Variants in SCAF1 observed in about 807,000 individuals in gnomAD.
The protein encoded by SCAF1 is splicing factor, arginine/serine-rich 19.
SCAF1 carries 28 observed loss-of-function variants against 91.2 expected under a neutral mutation model. That is an observed-to-expected ratio of 0.31 (90% CI 0.23 to 0.42). SCAF1 has a LOEUF of 0.42. SCAF1 is among the 10% of genes least tolerant of loss of function. The pLI is 1.00. For missense variants in SCAF1, 1,893 were observed against 1,872.1 expected (o/e 1.01, Z -0.21); for synonymous variants, 1,036 against 833.7 (o/e 1.24, Z -4.18).
intron 7 of SCAF1, 136 bp downstream of exon 7, chr19:49,653,841 G>A (rs1391475242): frequency 2.4e-6 from 2 of 837,494 alleles, no homozygotes; most frequent in African/African-American, 3.5e-5. Context: ...GTGGGGGTGA[G>A]TAAAGGCCAG....
At chr19:49,656,394 C>T (rs2081139556) in intron 9 of SCAF1, among the ~76,000 whole-genome samples, 1 of 152,218 alleles carries the variant, frequency 6.6e-6, no homozygotes, top group Non-Finnish European at 1.5e-5. Context: ...GATGTTGCTC[C>T]TGGAGTCGGC....
rs763068389 is a variant in SCAF1 at position 49,646,461 on chromosome 19, G to A, written c.262-65G>A. On this transcript the variant is annotated intron_variant, in intron 4 of 10. Transcript: ENST00000360565. This position sits in a 1 kb window ranked among gnomAD's most constrained non-coding sequence, Gnocchi z 5.6. Reference sequence around the variant, plus strand: ...GGGTTCCTGAGAGGTTAGGGAGTGGGGAAGCAGGATTTGCCAGTCTTCATG... The same window carrying A: ...GGGTTCCTGAGAGGTTAGGGAGTGGAGAAGCAGGATTTGCCAGTCTTCATG... 9.9e-5 allele frequency: 139 copies of A among 1,408,468 alleles called. No individual in the cohort carries two copies. Among genetic ancestry groups the A allele is most frequent in the Non-Finnish European group, 1.3e-4 (128 of 995,876 alleles). 87.2% of individuals were successfully genotyped at this position (1,408,468 alleles called of 1,614,324 possible). A position where few individuals can be genotyped will look rare whatever the true frequency, so the allele number is the denominator to read the frequency against.
rs2081055059 is a variant in SCAF1, at chr19:49,646,328, A to C, written c.261+126A>C. ...TGGCTCTGCGATGCTGACCAGGGGC[A>C]ATGTTGGAGAGTCTGGGGGCCTGAT... On this transcript the variant is annotated intron_variant, in intron 4 of 10. Coordinates refer to ENST00000360565, the MANE Select transcript of SCAF1 (RefSeq NM_021228.3). This position sits in a 1 kb window ranked among gnomAD's most constrained non-coding sequence, Gnocchi z 5.6. The C allele has an allele frequency of 2.2e-6, 2 of 912,130 alleles. No individual in the cohort carries two copies. Among genetic ancestry groups the C allele is most frequent in the South Asian group, 1.6e-5 (1 of 62,152 alleles). The allele number at this position is 912,130 out of a possible 1,614,324, so 56.5% of individuals were successfully genotyped here.
rs777712202 is a variant in SCAF1, at chr19:49,646,828, C to T, written c.476C>T (p.Thr159Met). 54 of 1,609,616 alleles carry T rather than the reference C, an allele frequency of 3.4e-5. No homozygotes were observed. Among genetic ancestry groups the T allele is most frequent in the African/African-American group, 6.7e-5 (5 of 74,788 alleles). Residue 159 changes from threonine (T) to methionine (M), a missense_variant and splice_region_variant, in exon 6 of 11, where the codon ACG becomes ATG. By Grantham distance (81) the Thr-to-Met change is moderately conservative (BLOSUM62 -1). Around this residue, in one of 5 missense-constraint regions of SCAF1, gnomAD observed 270 missense variants for 292.5 expected, o/e 0.92. Transcript: ENST00000360565. This position sits in a 1 kb window ranked among gnomAD's most constrained non-coding sequence, Gnocchi z 5.6. ...PRLRAWRTGK[T>M]VSPQSNSSRP... ...CTCAGGGCCTGGAGGACGGGCAAAA[C>T]GGGTATGTGGGGCCAGGGCGGAGCT...
Position 49,652,210 on chromosome 19 carries a change from ACGGCGGCGGCGCTCCGC to A in SCAF1, c.1823_1839del (p.Arg608LeufsTer39). On this transcript the variant is annotated frameshift_variant, in exon 7 of 11. Transcript: ENST00000360565. LOFTEE classifies it high-confidence loss of function. Reference sequence around the variant, plus strand: ...GGTCGCGGTCCCGGGAGAAGCGGCGACGGCGGCGGCGCTCCGCCTCCCCGCCCCCGGCCACTTCCTCA... The same window carrying A: ...GGTCGCGGTCCCGGGAGAAGCGGCGACTCCCCGCCCCCGGCCACTTCCTCA... The A allele has an allele frequency of 7.6e-7, 1 of 1,311,500 alleles. No homozygotes were observed. The highest frequency in any genetic ancestry group is 9.7e-7 in the Non-Finnish European group (1 of 1,032,390). The allele number at this position is 1,311,500 out of a possible 1,614,324, so 81.2% of individuals were successfully genotyped here.
Position 49,653,512 on chromosome 19 carries a change from G to T in SCAF1, c.3123G>T (p.Gln1041His). 11 of 1,571,372 alleles carry T rather than the reference G, an allele frequency of 7.0e-6. No individual in the cohort carries two copies. The highest frequency in any genetic ancestry group is 9.5e-6 in the Non-Finnish European group (11 of 1,163,036). ...AAGAGGAAGAGGAGGAGGAGCAGCA[G>T]CCTGCTACCACCACGGCCACCAGCA... ...EEEEEEEEEQQPATTTATSTA... is the reference protein window; with the variant it reads ...EEEEEEEEEQHPATTTATSTA... Residue 1041 changes from glutamine to histidine, a missense_variant, in exon 7 of 11, where the codon CAG becomes CAT. Gln to His is a conservative substitution (Grantham distance 24). Around this residue, in one of 5 missense-constraint regions of SCAF1, gnomAD observed 1,436 missense variants for 1,306.8 expected, o/e 1.10. Coordinates refer to ENST00000360565, the MANE Select transcript of SCAF1 (RefSeq NM_021228.3).
intron 6 of SCAF1, among the ~76,000 whole-genome samples, chr19:49,647,239 A>G (rs1229889510): frequency 6.6e-6 from 1 of 152,196 alleles, no homozygotes; most frequent in African/African-American, 2.4e-5. Context: ...TCTGAAGCCC[A>G]AGTTTTTGAT....
rs2081092414 is a variant in SCAF1, at chr19:49,651,748, G to A, written c.1359G>A (p.Ser453=). 8 of 1,340,754 alleles carry A rather than the reference G, an allele frequency of 6.0e-6. No individual in the cohort carries two copies. Among genetic ancestry groups the A allele is most frequent in the Non-Finnish European group, 4.7e-6 (5 of 1,053,136 alleles). 83.1% of individuals were successfully genotyped at this position (1,340,754 alleles called of 1,614,324 possible). Residue 453 remains serine (S), a synonymous_variant, in exon 7 of 11, where the codon TCG becomes TCA. Transcript: ENST00000360565. ...ACTTCTTGTCCCTGCATGCGGAGTC[G>A]GACGGCGAGGGCGCCCTGCAGGTGG... ...GDDFLSLHAE[S]DGEGALQVDL... is the part of the protein sequence containing the mutation.
At position 49,658,296 on chromosome 19, in the gene SCAF1, A is replaced by T; in HGVS notation, c.3836A>T (p.Lys1279Met). ...GTCCAGCGCTACCGCTACTTCCGCAAGCACGGTCGCAAGCCAGGGGACCCC... is the reference window on the plus strand; with the variant it reads ...GTCCAGCGCTACCGCTACTTCCGCATGCACGGTCGCAAGCCAGGGGACCCC... ...AYVQRYRYFR[K>M]HGRKPGDPPG... Residue 1279 changes from lysine (K) to methionine (M), a missense_variant, in exon 11 of 11, where the codon AAG (lysine) becomes ATG (methionine). This residue lies in a region of SCAF1 where 51 missense variants were observed against 49.9 expected (regional missense o/e 1.02). Coordinates refer to ENST00000360565, the MANE Select transcript of SCAF1 (RefSeq NM_021228.3). The T allele has an allele frequency of 6.2e-7, 1 of 1,611,516 alleles. No homozygotes were observed. The highest frequency in any genetic ancestry group is 8.5e-7 in the Non-Finnish European group (1 of 1,179,016).
upstream of SCAF1, among the ~76,000 whole-genome samples, chr19:49,641,030 C>T (rs1177224422): frequency 1.3e-5 from 2 of 151,986 alleles, no homozygotes; most frequent in Non-Finnish European, 2.9e-5. Flanking sequence ...GAGCCGGGGG[C>T]CTGGACTCTT....
chr19:49,652,280 C>T lies in SCAF1; in HGVS notation c.1891C>T (p.Arg631Cys). The T allele has an allele frequency of 4.6e-6, 7 of 1,509,996 alleles. No individual in the cohort carries two copies. Among genetic ancestry groups the T allele is most frequent in the Non-Finnish European group, 5.3e-6 (6 of 1,133,048 alleles). The allele number at this position is 1,509,996 out of a possible 1,614,324, so 93.5% of individuals were successfully genotyped here. Reference protein sequence around the residue: ...SSSSSRRERHRGKHRDGGGSK... With the variant: ...SSSSSRRERHCGKHRDGGGSK... ...GTCGTCCTCGAGGCGCGAGCGGCAC[C>T]GCGGGAAACACCGGGACGGTGGCGG... Residue 631 changes from arginine (R) to cysteine (C), a missense_variant, in exon 7 of 11, where the codon CGC becomes TGC. Arg to Cys is a radical substitution (Grantham distance 180). Around this residue, in one of 5 missense-constraint regions of SCAF1, gnomAD observed 1,436 missense variants for 1,306.8 expected, o/e 1.10. Transcript: ENST00000360565.
rs1012250871 is a variant in SCAF1, at chr19:49,652,483, C to T, written c.2094C>T (p.Leu698=). The change falls in exon 7 of 11, where the codon CTC becomes CTT. Residue 698 remains leucine (L), a synonymous_variant. Coordinates refer to ENST00000360565, the MANE Select transcript of SCAF1 (RefSeq NM_021228.3). ...TCCAGGACCTCACGGACCACGACCT[C>T]TTCGCCATCAAGCGGACCATCACGG... ...PSIQDLTDHD[L]FAIKRTITVG... 6.3e-7 allele frequency: 1 copy of T among 1,593,986 alleles called. No homozygotes were observed. The highest frequency in any genetic ancestry group is 8.5e-7 in the Non-Finnish European group (1 of 1,173,218).
rs768630120 is a variant in SCAF1 at position 49,652,561 on chromosome 19, C to T, written c.2172C>T (p.Ser724=). ...DPRGPSPAPA[S]SPKREVLYDS... ...GAGGACCCTCTCCTGCTCCGGCCTC[C>T]TCACCTAAGCGGGAGGTCCTGTACG... The change falls in exon 7 of 11, where the codon TCC becomes TCT. Residue 724 remains serine, a synonymous_variant. Coordinates refer to ENST00000360565, the MANE Select transcript of SCAF1 (RefSeq NM_021228.3). The T allele has an allele frequency of 1.3e-5, 20 of 1,562,786 alleles. No individual in the cohort carries two copies. Among genetic ancestry groups the T allele is most frequent in the Middle Eastern group, 3.4e-4 (2 of 5,964 alleles).
intron 6 of SCAF1, among the ~76,000 whole-genome samples, chr19:49,648,148 C>T (rs1376093690): frequency 1.3e-5 from 2 of 151,478 alleles, no homozygotes; most frequent in Non-Finnish European, 2.9e-5. Context: ...TACTGTGTCA[C>T]CTAGGCCGGA....
rs537750547 is a variant in SCAF1 at position 49,651,255 on chromosome 19, G to T, written c.866G>T (p.Gly289Val). The T allele has an allele frequency of 7.7e-5, 124 of 1,612,164 alleles. 2 individuals carry two copies. The South Asian group carries it at 1.2e-3, about 16-fold the overall frequency. The change falls in exon 7 of 11, where the codon GGC becomes GTC. Residue 289 changes from glycine (G) to valine (V), a missense_variant. Around this residue, in one of 5 missense-constraint regions of SCAF1, gnomAD observed 80 missense variants for 116.6 expected, o/e 0.69. Transcript: ENST00000360565. ...GAGGAAGACGAGGAGGAGGAGGAAG[G>T]CCTGTCCCAGAGCATCAGCCGCATC... The part of the protein sequence containing the change: ...EEEEDEEEEE[G>V]LSQSISRISE...
At position 49,651,451 on chromosome 19, in the gene SCAF1, G is replaced by T; in HGVS notation, c.1062G>T (p.Val354=). The change falls in exon 7 of 11, where the codon GTG becomes GTT. Residue 354 remains valine, a synonymous_variant. Coordinates refer to ENST00000360565, the MANE Select transcript of SCAF1 (RefSeq NM_021228.3). The stretch of plus-strand genomic sequence containing the variant: ...GAGCCATGCGCCGGCGGGTCTTCGT[G>T]GTGGGGACCGAGGCAGAGGCTTGTC... The part of the protein sequence containing the change: ...ADGAMRRRVF[V]VGTEAEACRE... The T allele has an allele frequency of 6.3e-7, 1 of 1,592,240 alleles. No individual in the cohort carries two copies. Among genetic ancestry groups the T allele is most frequent in the South Asian group, 1.1e-5 (1 of 88,864 alleles).
chr19:49,654,050 G>A (rs2081122795), intron 7 of SCAF1, among the ~76,000 whole-genome samples: 1 of 152,166 alleles, frequency 6.6e-6, no homozygotes, highest in Admixed American at 6.5e-5. Context: ...GCAGAGGTGG[G>A]GAGAGAGGTT....
intron 9 of SCAF1, among the ~76,000 whole-genome samples, chr19:49,655,176 C>T (rs1157728556): frequency 6.6e-6 from 1 of 152,160 alleles, no homozygotes; most frequent in East Asian, 1.9e-4. Flanking sequence ...CTGTTGCTCG[C>T]GCTGTCTCCG....
In SCAF1 at chr19:49,652,263, C is replaced by T. The variant is rs767446312; in HGVS notation, c.1874C>T (p.Ser625Leu). 2.0e-5 allele frequency: 29 copies of T among 1,453,968 alleles called. No individual in the cohort carries two copies. Among genetic ancestry groups the T allele is most frequent in the East Asian group, 5.6e-5 (2 of 35,638 alleles). The allele number at this position is 1,453,968 out of a possible 1,614,324, so 90.1% of individuals were successfully genotyped here. Residue 625 changes from serine (S) to leucine (L), a missense_variant, in exon 7 of 11, where the codon TCG becomes TTG. By Grantham distance (145) the Ser-to-Leu change is moderately radical. Around this residue, in one of 5 missense-constraint regions of SCAF1, gnomAD observed 1,436 missense variants for 1,306.8 expected, o/e 1.10. Transcript: ENST00000360565. The part of the protein sequence containing the change: ...PPPATSSSSS[S>L]RRERHRGKHR... Reference sequence around the variant, plus strand: ...CCGGCCACTTCCTCATCGTCGTCCTCGAGGCGCGAGCGGCACCGCGGGAAA... The same window carrying T: ...CCGGCCACTTCCTCATCGTCGTCCTTGAGGCGCGAGCGGCACCGCGGGAAA...
Sources: allele counts gnomAD v4.1 joint callset (sites outside exome capture counted in the v4.1 genomes callset), GRCh38; gene constraint gnomAD v4.1.1; regional missense constraint gnomAD v4.1.1; non-coding constraint Gnocchi (gnomAD v3.1); transcripts MANE v1.5; gene names NCBI Gene and HGNC (gene_info 2026-07-23, HGNC 2026-07-21).